The following ADGRL3 variants were observed in gnomAD, a reference collection of about 807,000 sequenced individuals.
ADGRL3 encodes the protein calcium-independent alpha-latrotoxin receptor 3.
A neutral mutation model predicts 153.5 loss-of-function variants in ADGRL3; 62 were observed. The observed-to-expected ratio is 0.40, with a 90% CI of 0.33 to 0.50. The LOEUF is 0.50. Among genes scored for constraint, ADGRL3 ranks in the 20% least tolerant of loss-of-function variants. The probability of loss-of-function intolerance (pLI) is 0.47; values close to 1 mark genes in which losing one functional copy is unlikely to be tolerated. For missense variants in ADGRL3, 1,641 were observed against 1,859.4 expected, an observed-to-expected ratio of 0.88 and a Z score of 2.16; for synonymous variants, 710 against 672.5, an observed-to-expected ratio of 1.06 and a Z score of -0.86.
At chr4:61,633,054 A>G (rs1352539523) in intron 5 of ADGRL3, among the ~76,000 whole-genome samples, 5 of 152,238 alleles carry the variant, frequency 3.3e-5, no homozygotes, top group African/African-American at 1.2e-4. Context: ...TGTGAAGATT[A>G]TAGACATTAT....
chr4:61,994,313 A>T (rs1342384983), intron 19 of ADGRL3, among the ~76,000 whole-genome samples: 3 of 147,770 alleles, frequency 2.0e-5, no homozygotes, highest in Non-Finnish European at 4.5e-5. Context: ...ATCCCCAGCT[A>T]TTTTTTTTTT....
At chr4:61,409,011 CA>C (rs2152238074) in intron 2 of ADGRL3, among the ~76,000 whole-genome samples, 1 of 151,438 alleles carries the variant, frequency 6.6e-6, no homozygotes, top group African/African-American at 2.4e-5. Flanking sequence ...AATGTGTCAT[CA>C]AAAACAATCA....
chr4:61,750,755 A>G (rs2152055320), intron 8 of ADGRL3, among the ~76,000 whole-genome samples: 1 of 148,938 alleles, frequency 6.7e-6, no homozygotes, highest in South Asian at 2.1e-4. Flanking sequence ...CCGCCACTGC[A>G]CTCCAGCCTG....
intron 8 of ADGRL3, among the ~76,000 whole-genome samples, chr4:61,781,395 A>G (rs1580797672): frequency 6.6e-6 from 1 of 151,982 alleles, no homozygotes; most frequent in Non-Finnish European, 1.5e-5. Flanking sequence ...ACTTAATGAA[A>G]TAAGTACTTT....
intron 6 of ADGRL3, among the ~76,000 whole-genome samples, chr4:61,704,162 G>A (rs2095816497): frequency 6.6e-6 from 1 of 152,070 alleles, no homozygotes; most frequent in Non-Finnish European, 1.5e-5. Flanking sequence ...TTTGTTATTT[G>A]ATATCATAAC....
intron 1 of ADGRL3, among the ~76,000 whole-genome samples, chr4:61,270,870 A>C (rs1485795998): frequency 6.6e-6 from 1 of 151,792 alleles, no homozygotes; most frequent in Admixed American, 6.6e-5. Context: ...TTGTTTTCTA[A>C]GTTCAAATAG....
chr4:62,012,688 CA>C (rs2151273475), intron 21 of ADGRL3, among the ~76,000 whole-genome samples: 1 of 152,226 alleles, frequency 6.6e-6, no homozygotes, highest in Non-Finnish European at 1.5e-5. Context: ...AGGCCATGCT[CA>C]AAAAGCTTTA....
chr4:61,863,231 CTTTTTTTTTTTT>C (rs1189171329), intron 9 of ADGRL3, among the ~76,000 whole-genome samples: 5 of 80,906 alleles, frequency 6.2e-5, no homozygotes, highest in Admixed American at 1.8e-4. Flanking sequence ...GGGCATCATT[CTTTTTTTTTTTT>C]TTTTTTTTTT....
chr4:62,027,852 CA>C (rs1188762628), intron 21 of ADGRL3, among the ~76,000 whole-genome samples: 4 of 151,774 alleles, frequency 2.6e-5, no homozygotes, highest in Non-Finnish European at 4.4e-5. Context: ...GACACAACCA[CA>C]GGTTAATTAA....
At chr4:61,706,425 CAA>C (rs56955396) in intron 6 of ADGRL3, among the ~76,000 whole-genome samples, 24,571 of 129,968 alleles carry the variant, frequency 0.19, 2,203 homozygotes, top group Non-Finnish European at 0.23. Flanking sequence ...GACTCCCTCT[CAA>C]AAAAAAAAAA....
At chr4:61,366,529 C>G (rs181267589) in intron 1 of ADGRL3, among the ~76,000 whole-genome samples, 1 of 152,210 alleles carries the variant, frequency 6.6e-6, no homozygotes, top group South Asian at 2.1e-4. Context: ...ATTTTGCCTT[C>G]ATCACTTAGT....
At chr4:61,668,719 CA>C (rs1021872705) in intron 5 of ADGRL3, among the ~76,000 whole-genome samples, 5 of 151,802 alleles carry the variant, frequency 3.3e-5, no homozygotes, top group African/African-American at 9.7e-5. Flanking sequence ...ACAATTTTCT[CA>C]AAAAAAAAAA....
At chr4:61,890,535 C>T (rs943450574) in intron 9 of ADGRL3, among the ~76,000 whole-genome samples, 7 of 133,234 alleles carry the variant, frequency 5.3e-5, no homozygotes, top group East Asian at 2.6e-4. Flanking sequence ...GGGGGAGGGG[C>T]GGGGACAGGT....
chr4:61,326,338 C>A (rs891512505), intron 1 of ADGRL3, among the ~76,000 whole-genome samples: 7 of 151,978 alleles, frequency 4.6e-5, no homozygotes, highest in Non-Finnish European at 8.8e-5. Context: ...AGATTCCTGA[C>A]CATTTTCTAC....
intron 5 of ADGRL3, among the ~76,000 whole-genome samples, chr4:61,638,605 G>C (rs1046822839): frequency 6.6e-6 from 1 of 152,092 alleles, no homozygotes; most frequent in South Asian, 2.1e-4. Context: ...TTAATCTCCT[G>C]TTATGTTACT....
chr4:61,885,048 G>A (rs183644136), intron 9 of ADGRL3, among the ~76,000 whole-genome samples: 63 of 151,960 alleles, frequency 4.1e-4, no homozygotes, highest in Admixed American at 1.9e-3. Context: ...AGGCCCAGGC[G>A]GGTGGATCAC....
At chr4:61,285,737 G>A (rs1049857101) in intron 1 of ADGRL3, among the ~76,000 whole-genome samples, 1 of 151,642 alleles carries the variant, frequency 6.6e-6, no homozygotes, top group Admixed American at 6.6e-5. Context: ...TGTCCTTTTG[G>A]TGCTCTCCTT....
rs372420593 is a variant in ADGRL3, at chr4:62,066,737, G to T, written c.3815-1429G>T. On this transcript the variant is annotated intron_variant, in intron 25 of 26. Transcript: ENST00000683033. The stretch of plus-strand genomic sequence containing the variant: ...ATATAGTGAAGAATATATTATAGTT[G>T]GTAAGAATACAAGATCATTTTAGAA... Among the ~76,000 whole-genome samples the T allele has an allele frequency of 5.3e-5, 8 of 152,064 alleles. No individual in the cohort carries two copies. The South Asian group carries it at 1.0e-3, about 20-fold the overall frequency.
chr4:61,751,777 C>T (rs2096759910), intron 8 of ADGRL3, among the ~76,000 whole-genome samples: 1 of 152,002 alleles, frequency 6.6e-6, no homozygotes, highest in African/African-American at 2.4e-5. Context: ...GTAAACTGGA[C>T]ATTCAGACGT....
Sources: gnomAD v4.1 joint callset for allele counts (sites outside exome capture counted in the v4.1 genomes callset) on GRCh38, gnomAD v4.1.1 for gene constraint, MANE v1.5 for transcripts, NCBI Gene and HGNC (gene_info 2026-07-23, HGNC 2026-07-21) for gene names.